TSHZ2: variants seen among roughly 807,000 people sequenced by gnomAD.
The protein encoded by TSHZ2 is teashirt zinc finger homeobox 2.
A neutral mutation model predicts 74.4 loss-of-function variants in TSHZ2; 21 were observed. The ratio of observed to expected loss-of-function variants is 0.28; its 90% CI spans 0.20 to 0.41. TSHZ2 has a LOEUF of 0.41. Ranked by LOEUF, TSHZ2 falls within the 10% of genes least tolerant of loss-of-function variation. TSHZ2 has a pLI of 1.00. For missense variants in TSHZ2, 1,244 were observed against 1,293.5 expected (o/e 0.96, Z 0.59); for synonymous variants, 540 against 515.3 (o/e 1.05, Z -0.65).
At chr20:53,344,111 T>G (rs1408661157) in intron 2 of TSHZ2, among the ~76,000 whole-genome samples, 2 of 151,656 alleles carry the variant, frequency 1.3e-5, no homozygotes, top group African/African-American at 4.8e-5. Context: ...ATATTTATGC[T>G]GATGCAATAT....
At chr20:53,275,842 G>A (rs973197357) in intron 2 of TSHZ2, among the ~76,000 whole-genome samples, 2 of 152,136 alleles carry the variant, frequency 1.3e-5, no homozygotes, top group Admixed American at 1.3e-4. Context: ...CAGGAGAATC[G>A]CTTGAACCAG....
At chr20:53,126,822 C>T (rs56293363) in intron 1 of TSHZ2, among the ~76,000 whole-genome samples, 7 of 150,648 alleles carry the variant, frequency 4.6e-5, no homozygotes, top group African/African-American at 9.8e-5. Flanking sequence ...CAAGGCTTTC[C>T]GGATCCACAC....
intron 1 of TSHZ2, among the ~76,000 whole-genome samples, chr20:53,039,086 G>A (rs1043105807): frequency 5.3e-5 from 8 of 150,964 alleles, no homozygotes; most frequent in East Asian, 3.9e-4. Flanking sequence ...GGGTTTCTCC[G>A]TGTTGGTCAG....
chr20:53,023,826 A>G (rs1983336756), intron 1 of TSHZ2, among the ~76,000 whole-genome samples: 1 of 152,166 alleles, frequency 6.6e-6, no homozygotes, highest in African/African-American at 2.4e-5. Context: ...CTGTTTATAA[A>G]CAAGCAAATT....
rs1334840517 is a variant in TSHZ2 at position 53,256,912 on chromosome 20, T to C, written c.*8+341T>C. 6.6e-6 allele frequency among the ~76,000 whole-genome samples: 1 copy of C among 152,216 alleles called. No homozygotes were observed. The highest frequency in any genetic ancestry group is 2.4e-5 in the African/African-American group (1 of 41,456). On this transcript the variant is annotated intron_variant, in intron 2 of 2. Coordinates refer to ENST00000371497, the MANE Select transcript of TSHZ2 (RefSeq NM_173485.6). The surrounding 1 kb of genome is among the most constrained non-coding windows in gnomAD (Gnocchi z 4.3). ...GCTATCTTTCATTTTAATTATTAGA[T>C]ACTAACTTCTGTCACCATTCCATTT...
intron 1 of TSHZ2, among the ~76,000 whole-genome samples, chr20:53,063,858 G>A (rs768014724): frequency 6.6e-6 from 1 of 152,152 alleles, no homozygotes; most frequent in Non-Finnish European, 1.5e-5. Context: ...ATTTACAGGT[G>A]AGTGTTAGCA....
chr20:53,328,520 G>A (rs1979588390), intron 2 of TSHZ2, among the ~76,000 whole-genome samples: 1 of 152,218 alleles, frequency 6.6e-6, no homozygotes, highest in African/African-American at 2.4e-5. Flanking sequence ...CGGAACATCT[G>A]TGCACTAGCC....
intron 1 of TSHZ2, among the ~76,000 whole-genome samples, chr20:53,034,485 T>C (rs1219966027): frequency 6.6e-6 from 1 of 152,192 alleles, no homozygotes. Context: ...TTCAGGGAGA[T>C]GACGAACTGG....
chr20:53,442,549 G>T (rs6022476), intron 2 of TSHZ2, among the ~76,000 whole-genome samples: 1 of 152,144 alleles, frequency 6.6e-6, no homozygotes, highest in African/African-American at 2.4e-5. Context: ...TAATCGGGAA[G>T]GTGTGAGTCC....
intron 1 of TSHZ2, among the ~76,000 whole-genome samples, chr20:53,232,203 T>C (rs1477446278): frequency 1.3e-5 from 2 of 152,204 alleles, no homozygotes; most frequent in African/African-American, 4.8e-5. Flanking sequence ...ACAATAATTA[T>C]TGAGCCCACA....
chr20:53,032,957 G>T (rs1376771879), intron 1 of TSHZ2, among the ~76,000 whole-genome samples: 1 of 152,068 alleles, frequency 6.6e-6, no homozygotes, highest in Non-Finnish European at 1.5e-5. Context: ...GGGTTATACT[G>T]GAATTAAATA....
chr20:53,464,128 A>C (rs1411884058), intron 2 of TSHZ2, among the ~76,000 whole-genome samples: 1 of 152,212 alleles, frequency 6.6e-6, no homozygotes, highest in Non-Finnish European at 1.5e-5. Flanking sequence ...ACCTGTCTTC[A>C]CCAAGTGACA....
rs566413249 is a variant in TSHZ2 at position 53,001,135 on chromosome 20, A to G, written c.40+27802A>G. Among the ~76,000 whole-genome samples, 14 of 152,072 alleles carry G rather than the reference A, an allele frequency of 9.2e-5. No individual in the cohort carries two copies. In the South Asian group the frequency reaches 2.9e-3, roughly 32 times the overall value. On this transcript the variant is annotated intron_variant, in intron 1 of 2. Coordinates refer to ENST00000371497, the MANE Select transcript of TSHZ2 (RefSeq NM_173485.6). Reference sequence around the variant, plus strand: ...TTAAAACAACCAAGAGAGGCACAACAGGAACTCTATGAACCCCAGAGAGAC... The same window carrying G: ...TTAAAACAACCAAGAGAGGCACAACGGGAACTCTATGAACCCCAGAGAGAC...
chr20:53,424,997 G>A (rs1394139285), intron 2 of TSHZ2, among the ~76,000 whole-genome samples: 1 of 152,162 alleles, frequency 6.6e-6, no homozygotes, highest in Non-Finnish European at 1.5e-5. Flanking sequence ...CCATGTCTTT[G>A]CTATTGTGCA....
intron 2 of TSHZ2, among the ~76,000 whole-genome samples, chr20:53,308,289 C>A (rs1057507539): frequency 6.6e-6 from 1 of 152,086 alleles, no homozygotes; most frequent in Non-Finnish European, 1.5e-5. Flanking sequence ...CTCAAAAGGG[C>A]GAGTTCAGGA....
intron 2 of TSHZ2, among the ~76,000 whole-genome samples, chr20:53,310,384 C>T (rs188912249): frequency 2.0e-5 from 3 of 152,274 alleles, no homozygotes; most frequent in East Asian, 1.9e-4. Flanking sequence ...CTGAATAATG[C>T]GTGTATTTGT....
Position 53,048,873 on chromosome 20 carries a change from G to C in TSHZ2, c.40+75540G>C, listed in dbSNP as rs6022254. Reference sequence around the variant, plus strand: ...CTGTGCAACACGCCCTGCGTCACAGGTTTCAATAACAACAAACTCTGCACA... The same window carrying C: ...CTGTGCAACACGCCCTGCGTCACAGCTTTCAATAACAACAAACTCTGCACA... On this transcript the variant is annotated intron_variant, in intron 1 of 2. Coordinates refer to ENST00000371497, the MANE Select transcript of TSHZ2 (RefSeq NM_173485.6). Among the ~76,000 whole-genome samples the C allele has an allele frequency of 4.7e-3, 723 of 152,260 alleles. 9 individuals carry two copies. The highest frequency in any genetic ancestry group is 0.016 in the African/African-American group (670 of 41,546).
chr20:53,164,601 T>C (rs1029842084), intron 1 of TSHZ2, among the ~76,000 whole-genome samples: 1 of 152,210 alleles, frequency 6.6e-6, no homozygotes, highest in Non-Finnish European at 1.5e-5. Flanking sequence ...TGTTAGCTAG[T>C]GCAACTAAGA....
At chr20:53,371,888 A>AT (rs1981486301) in intron 2 of TSHZ2, among the ~76,000 whole-genome samples, 1 of 125,534 alleles carries the variant, frequency 8.0e-6, no homozygotes, top group Admixed American at 7.2e-5. Context: ...AAAAAAAAAA[A>AT]GAAAAAAAAA....
Sources: gnomAD v4.1 joint callset for allele counts (sites outside exome capture counted in the v4.1 genomes callset) on GRCh38, gnomAD v4.1.1 for gene constraint, Gnocchi (gnomAD v3.1) non-coding constraint, MANE v1.5 for transcripts, NCBI Gene and HGNC (gene_info 2026-07-23, HGNC 2026-07-21) for gene names.